Variants in RSRC1 observed in about 807,000 individuals in gnomAD.
The protein encoded by RSRC1 is serine/Arginine-related protein 53.
A neutral mutation model predicts 49.1 loss-of-function variants in RSRC1; 39 were observed. That is an observed-to-expected ratio of 0.79 (90% confidence interval 0.61 to 1.04). The LOEUF (loss-of-function observed/expected upper bound fraction) is 1.04, where lower values mean the gene tolerates loss of function less well. Among genes scored for constraint, RSRC1 ranks in the 50% least tolerant of loss-of-function variants. The pLI, the probability that RSRC1 is intolerant of heterozygous loss-of-function variation, is 0.00. For missense variants in RSRC1, 388 were observed against 402.4 expected (o/e 0.96, Z 0.31); for synonymous variants, 143 against 130.8 (o/e 1.09, Z -0.63).
At chr3:158,354,781 T>C in intron 5 of RSRC1, 76 bp from the exon 6 acceptor site, 1 of 1,071,362 alleles carries the variant, frequency 9.3e-7, no homozygotes, top group Non-Finnish European at 1.3e-6. Flanking sequence ...ACAAATGCAT[T>C]AATTTAAAAC....
chr3:158,206,676 G>A lies in RSRC1; in HGVS notation c.494+3431G>A, dbSNP rs192976329. Among the ~76,000 whole-genome samples the A allele has an allele frequency of 2.4e-3, 373 of 152,246 alleles. 2 individuals are homozygous for A. The highest frequency in any genetic ancestry group is 3.9e-3 in the Non-Finnish European group (264 of 68,014). On this transcript the variant is annotated intron_variant, in intron 4 of 9. Coordinates refer to ENST00000611884, the MANE Select transcript of RSRC1 (RefSeq NM_001271838.2). ...CGCCTGTAATCTCAGCACTTTGGGAGGCCGAGGCGGGTGGATCACCTGAGG... is the reference window on the plus strand; with the variant it reads ...CGCCTGTAATCTCAGCACTTTGGGAAGCCGAGGCGGGTGGATCACCTGAGG...
chr3:158,190,977 C>T (rs941519319), intron 3 of RSRC1, among the ~76,000 whole-genome samples: 6 of 151,970 alleles, frequency 3.9e-5, no homozygotes, highest in East Asian at 1.9e-4. Flanking sequence ...AGTACAGTGG[C>T]TCACTCCAAT....
intron 6 of RSRC1, among the ~76,000 whole-genome samples, chr3:158,450,313 C>A (rs527750193): frequency 6.7e-6 from 1 of 148,738 alleles, no homozygotes; most frequent in East Asian, 2.0e-4. Flanking sequence ...TGATAATAAA[C>A]CATGGCTTTC....
At chr3:158,146,607 C>G (rs957929315) in intron 3 of RSRC1, among the ~76,000 whole-genome samples, 1 of 152,116 alleles carries the variant, frequency 6.6e-6, no homozygotes, top group Non-Finnish European at 1.5e-5. Flanking sequence ...TGTTGTGTCT[C>G]TGCCAGGCTT....
rs564633575 is a variant in RSRC1, at chr3:158,316,438, A to ATTTTTTTTTTTTT, written c.531+18377_531+18389dup. Reference sequence around the variant, plus strand: ...TAATCAGTCCACTGCAGAATCTCTCATTTTTTTTTTTTTTTTTTTTTTTTT... The same window carrying ATTTTTTTTTTTTT: ...TAATCAGTCCACTGCAGAATCTCTCATTTTTTTTTTTTTTTTTTTTTTTTTTTTTTTTTTTTTT... On this transcript the variant is annotated intron_variant, in intron 5 of 9. Transcript: ENST00000611884. Among the ~76,000 whole-genome samples, 84 of 72,238 alleles carry ATTTTTTTTTTTTT rather than the reference A, an allele frequency of 1.2e-3. 8 individuals carry two copies. Among genetic ancestry groups the ATTTTTTTTTTTTT allele is most frequent in the African/African-American group, 2.9e-3 (45 of 15,696 alleles). 47.4% of individuals were successfully genotyped at this position (72,238 alleles called of 152,430 possible). A position where few individuals can be genotyped will look rare whatever the true frequency, so the allele number is the denominator to read the frequency against.
chr3:158,159,560 C>T (rs1338744646), intron 3 of RSRC1, among the ~76,000 whole-genome samples: 1 of 152,056 alleles, frequency 6.6e-6, no homozygotes, highest in African/African-American at 2.4e-5. Context: ...GCCCTGAAAA[C>T]CCAATTAGGT....
intron 6 of RSRC1, among the ~76,000 whole-genome samples, chr3:158,416,145 T>C (rs1734725127): frequency 6.6e-6 from 1 of 151,910 alleles, no homozygotes; most frequent in South Asian, 2.1e-4. Flanking sequence ...TTTATATAAA[T>C]CGATTTCCTT....
At chr3:158,258,208 CTTTTTTTTTTTTT>C (rs71144451) in intron 4 of RSRC1, among the ~76,000 whole-genome samples, 4 of 65,766 alleles carry the variant, frequency 6.1e-5, no homozygotes, top group Admixed American at 2.1e-4. Flanking sequence ...TCCTTTTAAC[CTTTTTTTTTTTTT>C]TTTTTTTTTT....
intron 4 of RSRC1, among the ~76,000 whole-genome samples, chr3:158,263,747 T>C (rs1386448700): frequency 1.3e-5 from 2 of 152,198 alleles, no homozygotes; most frequent in Non-Finnish European, 2.9e-5. Context: ...ACAAAAGTTC[T>C]TCTTGAGTGA....
rs1559941218 is a variant in RSRC1 at position 158,202,565 on chromosome 3, TATA to T, written c.321-506_321-504del. Among the ~76,000 whole-genome samples the T allele has an allele frequency of 1.8e-4, 25 of 137,234 alleles. 3 individuals carry two copies. Among genetic ancestry groups the T allele is most frequent in the Non-Finnish European group, 2.6e-4 (17 of 64,740 alleles). The allele number at this position is 137,234 out of a possible 152,430, so 90.0% of individuals were successfully genotyped here. A position where few individuals can be genotyped will look rare whatever the true frequency, so the allele number is the denominator to read the frequency against. ...GTAGGGTTGTCAGTCTGGTAGATTA[TATA>T]TATATATATATATGTTTTATCAATA... On this transcript the variant is annotated intron_variant, in intron 3 of 9. Transcript: ENST00000611884.
chr3:158,141,484 T>C (rs1379559736), intron 3 of RSRC1, among the ~76,000 whole-genome samples: 2 of 152,220 alleles, frequency 1.3e-5, no homozygotes, highest in Non-Finnish European at 2.9e-5. Flanking sequence ...TCAGAAATAT[T>C]CAAGCAGCTT....
At chr3:158,540,929 C>G (rs1434947093) in intron 8 of RSRC1, among the ~76,000 whole-genome samples, 1 of 152,062 alleles carries the variant, frequency 6.6e-6, no homozygotes, top group Admixed American at 6.6e-5. Context: ...GGAGGGTGAT[C>G]CTTTGGAGAA....
chr3:158,287,392 T>A (rs1395196568), intron 4 of RSRC1, among the ~76,000 whole-genome samples: 1 of 152,138 alleles, frequency 6.6e-6, no homozygotes, highest in African/African-American at 2.4e-5. Flanking sequence ...GATTAAATAG[T>A]GGAGATGAAA....
At chr3:158,282,036 C>T (rs1312833635) in intron 4 of RSRC1, among the ~76,000 whole-genome samples, 1 of 152,206 alleles carries the variant, frequency 6.6e-6, no homozygotes, top group African/African-American at 2.4e-5. Context: ...ATACTTGGTA[C>T]ACAGCCAGTG....
At chr3:158,504,797 T>C (rs963509014) in intron 7 of RSRC1, among the ~76,000 whole-genome samples, 2 of 152,198 alleles carry the variant, frequency 1.3e-5, no homozygotes, top group African/African-American at 2.4e-5. Flanking sequence ...ATGCCTATTA[T>C]GAAATAATCT....
intron 3 of RSRC1, among the ~76,000 whole-genome samples, chr3:158,138,092 G>A (rs559253597): frequency 6.6e-6 from 1 of 152,264 alleles, no homozygotes; most frequent in African/African-American, 2.4e-5. Flanking sequence ...TTCCACCTGG[G>A]ATGGCAACCA....
At chr3:158,426,386 A>G (rs1735444167) in intron 6 of RSRC1, among the ~76,000 whole-genome samples, 1 of 151,640 alleles carries the variant, frequency 6.6e-6, no homozygotes, top group South Asian at 2.1e-4. Flanking sequence ...AAAAAATCTT[A>G]GAGGAAAATG....
At chr3:158,296,629 A>G (rs1171382817) in intron 4 of RSRC1, among the ~76,000 whole-genome samples, 3 of 152,134 alleles carry the variant, frequency 2.0e-5, no homozygotes, top group Non-Finnish European at 4.4e-5. Context: ...GATAAAGTAT[A>G]AAATAATTAT....
intron 6 of RSRC1, among the ~76,000 whole-genome samples, chr3:158,411,834 G>A (rs1335902577): frequency 1.3e-5 from 2 of 152,022 alleles, no homozygotes; most frequent in East Asian, 3.9e-4. Context: ...TGACTTGAAG[G>A]AGCTATTGGT....
Sources: allele counts gnomAD v4.1 joint callset (sites outside exome capture counted in the v4.1 genomes callset), GRCh38; gene constraint gnomAD v4.1.1; transcripts MANE v1.5; gene names NCBI Gene and HGNC (gene_info 2026-07-23, HGNC 2026-07-21).